The following DPP10 variants were observed in gnomAD, a reference collection of about 807,000 sequenced individuals.
The protein encoded by DPP10 is dipeptidyl peptidase like 10, also known as inactive dipeptidyl peptidase 10.
DPP10 carries 33 observed loss-of-function variants against 120.9 expected under a neutral mutation model. The observed-to-expected ratio is 0.27, with a 90% CI of 0.21 to 0.37. DPP10 has a LOEUF of 0.37. Ranked by LOEUF, DPP10 falls within the 10% of genes least tolerant of loss-of-function variation. DPP10 has a pLI of 1.00. For missense variants in DPP10, 816 were observed against 942.8 expected (o/e 0.87, Z 1.76); for synonymous variants, 337 against 326.1 (o/e 1.03, Z -0.36).
At chr2:115,468,924 G>A (rs542676845) in intron 3 of DPP10, 62 of 364,752 alleles carry the variant, frequency 1.7e-4, no homozygotes, top group African/African-American at 9.8e-4. Context: ...AGGAACAACC[G>A]CTGAGTGGTC....
chr2:115,111,532 A>G (rs1335768141), intron 1 of DPP10, among the ~76,000 whole-genome samples: 2 of 152,176 alleles, frequency 1.3e-5, no homozygotes, highest in Non-Finnish European at 2.9e-5. Context: ...TCCAGCTGCC[A>G]CAAGGGAGTA....
intron 1 of DPP10, among the ~76,000 whole-genome samples, chr2:115,019,435 C>A (rs1241276582): frequency 6.6e-6 from 1 of 151,908 alleles, no homozygotes; most frequent in African/African-American, 2.4e-5. Flanking sequence ...AGCTCAAAGA[C>A]AAGCCTTTTG....
At chr2:115,509,407 G>A (rs1162318898) in intron 4 of DPP10, among the ~76,000 whole-genome samples, 3 of 152,156 alleles carry the variant, frequency 2.0e-5, no homozygotes, top group Admixed American at 2.0e-4. Flanking sequence ...AAATGAAAGG[G>A]GAGTTAACCA....
chr2:114,620,777 T>C (rs1003562230), intron 1 of DPP10, among the ~76,000 whole-genome samples: 11 of 152,176 alleles, frequency 7.2e-5, no homozygotes, highest in African/African-American at 2.6e-4. Context: ...TCTATACTTA[T>C]AATGGACTTT....
At chr2:115,741,278 G>A (rs1677233115) in intron 9 of DPP10, among the ~76,000 whole-genome samples, 1 of 152,046 alleles carries the variant, frequency 6.6e-6, no homozygotes, top group Admixed American at 6.6e-5. Flanking sequence ...GTGATTTATA[G>A]GGTCTTCTCT....
intron 19 of DPP10, 94 bp from the exon 20 acceptor site, chr2:115,814,699 T>C: frequency 9.8e-7 from 1 of 1,022,514 alleles, no homozygotes; most frequent in Non-Finnish European, 1.4e-6. Context: ...CCAGCACAGT[T>C]CTTTCCCATT....
chr2:115,383,632 G>A (rs1368157956), intron 3 of DPP10, among the ~76,000 whole-genome samples: 1 of 152,084 alleles, frequency 6.6e-6, no homozygotes, highest in South Asian at 2.1e-4. Flanking sequence ...CTCACCAATT[G>A]TCTGTGGATA....
intron 3 of DPP10, among the ~76,000 whole-genome samples, chr2:115,372,120 T>C (rs1380046378): frequency 6.6e-6 from 1 of 152,164 alleles, no homozygotes; most frequent in Non-Finnish European, 1.5e-5. Context: ...TTTTAGAGAC[T>C]TTTTCATTAA....
chr2:114,489,456 A>G (rs1681796458), intron 1 of DPP10, among the ~76,000 whole-genome samples: 1 of 152,220 alleles, frequency 6.6e-6, no homozygotes, highest in South Asian at 2.1e-4. Context: ...CTTAATAAAA[A>G]AATACCAAGC....
intron 1 of DPP10, among the ~76,000 whole-genome samples, chr2:114,732,574 G>A (rs955902361): frequency 7.9e-5 from 12 of 152,086 alleles, no homozygotes; most frequent in Admixed American, 7.9e-4. Flanking sequence ...TTATGTTGGT[G>A]GTAATTGTGA....
rs2090354022 is a variant in DPP10, at chr2:115,677,477, A to T, written c.442-12210A>T. Among the ~76,000 whole-genome samples, 5 of 152,260 alleles carry T rather than the reference A, an allele frequency of 3.3e-5. No homozygotes were observed. In the South Asian group the frequency reaches 8.3e-4, roughly 25 times the overall value. On this transcript the variant is annotated intron_variant, in intron 5 of 25. Coordinates refer to ENST00000410059, the MANE Select transcript of DPP10 (RefSeq NM_020868.6). ...TAAATTCCCCAATAAAAAGATACAG[A>T]ATGGCTGAATCGATTAAAAAACAAG...
At chr2:115,781,059 G>A in intron 16 of DPP10, 64 bp downstream of exon 16, 10 of 1,330,928 alleles carry the variant, frequency 7.5e-6, no homozygotes, top group South Asian at 3.5e-5. Flanking sequence ...AATATCTGTT[G>A]GTATCAGCAA....
chr2:114,525,059 A>G (rs974803447), intron 1 of DPP10, among the ~76,000 whole-genome samples: 3 of 152,202 alleles, frequency 2.0e-5, no homozygotes, highest in African/African-American at 7.2e-5. Flanking sequence ...TTGCCAGTAT[A>G]TTAGCAATAC....
At chr2:115,229,547 TA>T (rs1385289874) in intron 1 of DPP10, among the ~76,000 whole-genome samples, 1 of 152,142 alleles carries the variant, frequency 6.6e-6, no homozygotes, top group African/African-American at 2.4e-5. Flanking sequence ...TATCCATGTT[TA>T]TTTGATTTTT....
At chr2:115,279,544 C>T (rs550910982) in intron 1 of DPP10, among the ~76,000 whole-genome samples, 3 of 151,608 alleles carry the variant, frequency 2.0e-5, no homozygotes, top group South Asian at 2.1e-4. Context: ...AAAAAATCAC[C>T]GTGTTGATTT....
rs575494344 is a variant in DPP10 at position 115,692,666 on chromosome 2, C to T, written c.576+2745C>T. On this transcript the variant is annotated intron_variant, in intron 7 of 25. Coordinates refer to ENST00000410059, the MANE Select transcript of DPP10 (RefSeq NM_020868.6). The stretch of plus-strand genomic sequence containing the variant: ...TTTAAAATTTGAATTGCTGTTTTAA[C>T]AACAGCTGGTTGGGCTGAGTTAAGT... Among the ~76,000 whole-genome samples, 10 of 152,126 alleles carry T rather than the reference C, an allele frequency of 6.6e-5. No individual in the cohort carries two copies. In the East Asian group the frequency reaches 1.9e-3, roughly 29 times the overall value.
intron 1 of DPP10, among the ~76,000 whole-genome samples, chr2:114,521,551 G>T (rs1257276279): frequency 6.6e-6 from 1 of 151,830 alleles, no homozygotes; most frequent in Non-Finnish European, 1.5e-5. Context: ...TCTAAAAAGA[G>T]AAAAATATAA....
Position 114,560,585 on chromosome 2 carries a change from G to A in DPP10, c.60+117747G>A, listed in dbSNP as rs945386997. Among the ~76,000 whole-genome samples, 3 of 152,040 alleles carry A rather than the reference G, an allele frequency of 2.0e-5. 1 individual carries two copies. Among genetic ancestry groups the A allele is most frequent in the Admixed American group, 2.0e-4 (3 of 15,272 alleles). Reference sequence around the variant, plus strand: ...ACTGGTCCTGGGTGAGGAGAGAGTGGGGCCCAGGTATAGGCCAGCCAGGCT... The same window carrying A: ...ACTGGTCCTGGGTGAGGAGAGAGTGAGGCCCAGGTATAGGCCAGCCAGGCT... On this transcript the variant is annotated intron_variant, in intron 1 of 25. Coordinates refer to ENST00000410059, the MANE Select transcript of DPP10 (RefSeq NM_020868.6).
At chr2:115,715,261 C>T (rs2092452857) in intron 7 of DPP10, among the ~76,000 whole-genome samples, 2 of 147,210 alleles carry the variant, frequency 1.4e-5, no homozygotes, top group Admixed American at 1.4e-4. Flanking sequence ...ATCACTTGAA[C>T]CCAGGAGGTG....
Sources: allele counts gnomAD v4.1 joint callset (sites outside exome capture counted in the v4.1 genomes callset), GRCh38; gene constraint gnomAD v4.1.1; transcripts MANE v1.5; gene names NCBI Gene and HGNC (gene_info 2026-07-23, HGNC 2026-07-21).